Variants in NCOR2 observed in about 807,000 individuals in gnomAD.
NCOR2 encodes nuclear receptor corepressor 2.
NCOR2 carries 81 observed loss-of-function variants against 262.9 expected under a neutral mutation model. That is an observed-to-expected ratio of 0.31 (90% confidence interval 0.26 to 0.37). The LOEUF is 0.37. Ranked by LOEUF, NCOR2 falls within the 10% of genes least tolerant of loss-of-function variation. The pLI is 1.00. For synonymous variants in NCOR2, 1,659 were observed against 1,559.3 expected (o/e 1.06, Z -1.51); for missense variants, 3,385 against 3,621.4 (o/e 0.93, Z 1.68).
chr12:124,438,205 C>A lies in NCOR2; in HGVS notation c.816-209G>T, dbSNP rs538984600. On this transcript the variant is annotated intron_variant, in intron 7 of 46. Coordinates refer to ENST00000405201, the Ensembl canonical transcript of NCOR2. ...CCGCGCGCGAGGCAGCCCCCGCCAA[C>A]GTTTAGGTTGAGCCCAGTGTGCAGG... Among the ~76,000 whole-genome samples the A allele has an allele frequency of 7.0e-4, 107 of 152,142 alleles. 1 individual carries two copies. The highest frequency in any genetic ancestry group is 1.4e-3 in the Non-Finnish European group (97 of 68,028).
rs2047637957 is a variant in NCOR2, at chr12:124,483,937, G to A, written c.234-164C>T. 6.6e-6 allele frequency among the ~76,000 whole-genome samples: 1 copy of A among 152,180 alleles called. No homozygotes were observed. Among genetic ancestry groups the A allele is most frequent in the Non-Finnish European group, 1.5e-5 (1 of 68,024 alleles). On this transcript the variant is annotated intron_variant, in intron 2 of 46. Transcript: ENST00000405201. This position sits in a 1 kb window ranked among gnomAD's most constrained non-coding sequence, Gnocchi z 6.3. ...CCACCTCCCACGGTCCCACAGCAGG[G>A]CAGGACTCCAATGCAGCGCTGCCTT...
intron 5 of NCOR2, among the ~76,000 whole-genome samples, chr12:124,461,663 T>C (rs1217618255): frequency 6.6e-6 from 1 of 152,202 alleles, no homozygotes; most frequent in East Asian, 1.9e-4. Flanking sequence ...GAACACATGA[T>C]GTAACCACAC....
At chr12:124,488,148 A>G (rs551620450) in intron 1 of NCOR2, among the ~76,000 whole-genome samples, 2 of 152,238 alleles carry the variant, frequency 1.3e-5, no homozygotes, top group South Asian at 2.1e-4. Flanking sequence ...CAAGGCAGTT[A>G]TTTTTGCAAA....
At chr12:124,372,375 A>T in exon 20 of NCOR2, 2 of 1,450,924 alleles carry the variant, frequency 1.4e-6, no homozygotes, top group South Asian at 1.3e-5. Context: ...CCACAGGAGG[A>T]GGTGCAGAGG....
Position 124,389,378 on chromosome 12 carries a change from G to A in NCOR2, c.1877-3491C>T, listed in dbSNP as rs867915680. Among the ~76,000 whole-genome samples, 2 of 152,226 alleles carry A rather than the reference G, an allele frequency of 1.3e-5. No individual in the cohort carries two copies. Among genetic ancestry groups the A allele is most frequent in the African/African-American group, 2.4e-5 (1 of 41,462 alleles). On this transcript the variant is annotated intron_variant, in intron 16 of 46. Coordinates refer to ENST00000405201, the Ensembl canonical transcript of NCOR2. This position sits in a 1 kb window ranked among gnomAD's most constrained non-coding sequence, Gnocchi z 4.4. ...CGGGCGGGCAGGCGGGCGGGGGAGC[G>A]TGGCAGAGGCCCAGGTTCACAAGGG...
upstream of NCOR2, among the ~76,000 whole-genome samples, chr12:124,495,821 C>T (rs544884832): frequency 1.2e-4 from 19 of 152,222 alleles, no homozygotes; most frequent in Admixed American, 1.1e-3. The surrounding 1 kb of genome is among the most constrained non-coding windows in gnomAD (Gnocchi z 4.4). Flanking sequence ...GGGACCAGGG[C>T]CAGCTCAGGC....
At chr12:124,555,455 A>G (rs1273904823) in intron 1 of NCOR2, among the ~76,000 whole-genome samples, 5 of 152,198 alleles carry the variant, frequency 3.3e-5, no homozygotes, top group Non-Finnish European at 5.9e-5. Flanking sequence ...AGCTGTGACA[A>G]CGTCCGCAGG....
intron 40 of NCOR2, 127 bp downstream of exon 42, chr12:124,335,008 G>C: frequency 7.0e-7 from 1 of 1,435,024 alleles, no homozygotes; most frequent in Admixed American, 1.7e-5. Context: ...GATCCCCCCA[G>C]CGCCATGCCC....
intron 16 of NCOR2, chr12:124,388,630 G>A (rs2040998902): frequency 3.1e-6 from 4 of 1,300,108 alleles, no homozygotes; most frequent in Middle Eastern, 2.1e-4. Context: ...CCACGTTGCG[G>A]TCCCTGTCCC....
chr12:124,563,525 TG>T (rs1317104379), intron 1 of NCOR2, among the ~76,000 whole-genome samples: 1 of 152,262 alleles, frequency 6.6e-6, no homozygotes, highest in Non-Finnish European at 1.5e-5. Flanking sequence ...AGGGCCTCAC[TG>T]AGCAGAAGCC....
intron 13 of NCOR2, among the ~76,000 whole-genome samples, chr12:124,411,878 G>C (rs964668907): frequency 6.6e-6 from 1 of 152,186 alleles, no homozygotes; most frequent in Non-Finnish European, 1.5e-5. Flanking sequence ...GTGGGGGCTC[G>C]GCCCTCCCTT....
rs76392753 is a variant in NCOR2, at chr12:124,332,439, T to C, written c.6784A>G (p.Thr2262Ala). The C allele has an allele frequency of 1.9e-6, 3 of 1,614,214 alleles. No individual in the cohort carries two copies. In the South Asian group the frequency reaches 3.3e-5, roughly 18 times the overall value. ...CTGAAGAAGGCTGGCGGCTGGCTGG[T>C]GTTGCCTGGAGACTTGGAGCCCATC... Residue 2262 changes from threonine (T) to alanine (A), a missense_variant, in exon 43 of 47, where the codon ACC (threonine) becomes GCC (alanine). This residue lies in a region of NCOR2 where 1,017 missense variants were observed against 967.2 expected (regional missense o/e 1.05). Coordinates refer to ENST00000405201, the Ensembl canonical transcript of NCOR2.
intron 1 of NCOR2, among the ~76,000 whole-genome samples, chr12:124,515,455 G>C (rs1481941019): frequency 6.6e-6 from 1 of 151,764 alleles, no homozygotes; most frequent in Non-Finnish European, 1.5e-5. Flanking sequence ...AACATCCTGA[G>C]ACAAACCTGA....
intron 1 of NCOR2, among the ~76,000 whole-genome samples, chr12:124,542,140 G>T (rs1179283975): frequency 1.3e-5 from 2 of 151,810 alleles, no homozygotes; most frequent in Non-Finnish European, 2.9e-5. Context: ...GATCAGAACT[G>T]TGGGGCTCCA....
At chr12:124,489,225 G>A (rs1337766506) in intron 1 of NCOR2, among the ~76,000 whole-genome samples, 1 of 152,062 alleles carries the variant, frequency 6.6e-6, no homozygotes, top group East Asian at 1.9e-4. Context: ...CTCCAAGCAG[G>A]AGAGCTCCCC....
chr12:124,456,065 A>G (rs2045835283), intron 6 of NCOR2, among the ~76,000 whole-genome samples: 1 of 152,146 alleles, frequency 6.6e-6, no homozygotes, highest in Non-Finnish European at 1.5e-5. Context: ...TTGCAGAGAC[A>G]AGGTCTTGCT....
In NCOR2 at chr12:124,341,808, T is replaced by G. The variant is rs747314116; in HGVS notation, c.5188+15A>C. The G allele has an allele frequency of 1.8e-5, 28 of 1,588,276 alleles. No homozygotes were observed. The highest frequency in any genetic ancestry group is 2.1e-5 in the Non-Finnish European group (25 of 1,169,782). ...AAGGCCAAACCCAGCGGAGGTGGTC[T>G]GCCCACCCACTCACCTCGGGGACCC... is the stretch of plus-strand genomic sequence containing the variant. On this transcript the variant is annotated intron_variant, in intron 34 of 46. Coordinates refer to ENST00000405201, the Ensembl canonical transcript of NCOR2.
chr12:124,351,078 C>G (rs1437370963), intron 27 of NCOR2, among the ~76,000 whole-genome samples: 1 of 152,176 alleles, frequency 6.6e-6, no homozygotes, highest in East Asian at 1.9e-4. Context: ...AGTGACTTTA[C>G]CCGGGGTCAC....
chr12:124,422,479 T>C, intron 12 of NCOR2, 22 bp downstream of exon 14: 1 of 1,613,534 alleles, frequency 6.2e-7, no homozygotes, highest in East Asian at 2.2e-5. Flanking sequence ...ACCGAAGGGG[T>C]ATGGGGCGGG....
Sources: gnomAD v4.1 joint callset for allele counts (sites outside exome capture counted in the v4.1 genomes callset) on GRCh38, gnomAD v4.1.1 for gene constraint, gnomAD v4.1.1 regional missense constraint, Gnocchi (gnomAD v3.1) non-coding constraint, MANE v1.5 for transcripts, NCBI Gene and HGNC (gene_info 2026-07-23, HGNC 2026-07-21) for gene names.